SLC4A4: variants seen among roughly 807,000 people sequenced by gnomAD.
The protein encoded by SLC4A4 is electrogenic sodium bicarbonate cotransporter 1.
In SLC4A4, 27 loss-of-function variants were observed where a neutral mutation model predicts 111.5. The observed-to-expected ratio is 0.24, with a 90% CI of 0.18 to 0.33. SLC4A4 has a LOEUF of 0.33. Among genes scored for constraint, SLC4A4 ranks in the 10% least tolerant of loss-of-function variants. The pLI is 1.00. For missense variants in SLC4A4, 909 were observed against 1,315.5 expected (o/e 0.69, Z 4.78); for synonymous variants, 443 against 463.4 (o/e 0.96, Z 0.57).
At chr4:71,186,791 C>T (rs969168302), upstream of SLC4A4, 2 of 152,114 alleles carry the variant, frequency 1.3e-5, no homozygotes, top group East Asian at 1.9e-4. Context: ...CGGCCGCCTT[C>T]CGTGAGCCCC....
At chr4:71,486,365 A>G (rs1390675848) in intron 14 of SLC4A4, among the ~76,000 whole-genome samples, 1 of 151,518 alleles carries the variant, frequency 6.6e-6, no homozygotes, top group Non-Finnish European at 1.5e-5. Context: ...GCCATCTTCA[A>G]CCTATAAATG....
intron 2 of SLC4A4, among the ~76,000 whole-genome samples, chr4:71,135,318 C>T (rs1318296866): frequency 2.5e-5 from 3 of 118,620 alleles, no homozygotes; most frequent in African/African-American, 9.7e-5. Flanking sequence ...TTTTTTGAGA[C>T]AGAGTCTCAC....
intron 2 of SLC4A4, among the ~76,000 whole-genome samples, chr4:71,180,505 G>GA (rs980616149): frequency 1.1e-4 from 16 of 151,922 alleles, no homozygotes; most frequent in South Asian, 2.1e-4. Flanking sequence ...AAATTTACAA[G>GA]AAAAAAACAA....
intron 14 of SLC4A4, among the ~76,000 whole-genome samples, chr4:71,484,426 AG>A: frequency 6.6e-6 from 1 of 151,840 alleles, no homozygotes; most frequent in Non-Finnish European, 1.5e-5. Context: ...CTTATTGAAT[AG>A]GGAATCCTAT....
chr4:71,529,086 C>G (rs1313201390), intron 16 of SLC4A4, among the ~76,000 whole-genome samples: 1 of 151,978 alleles, frequency 6.6e-6, no homozygotes, highest in Admixed American at 6.6e-5. Context: ...TTGCTCAGTA[C>G]TAAAACTATA....
intron 3 of SLC4A4, among the ~76,000 whole-genome samples, chr4:71,259,931 C>A (rs930736789): frequency 2.6e-5 from 4 of 152,190 alleles, no homozygotes; most frequent in Non-Finnish European, 4.4e-5. Context: ...TCTTGACAAG[C>A]ATGAACATGC....
chr4:71,222,516 A>G (rs1439658802), intron 1 of SLC4A4, among the ~76,000 whole-genome samples: 2 of 152,180 alleles, frequency 1.3e-5, no homozygotes, highest in South Asian at 2.1e-4. Context: ...ATTTCCCACC[A>G]TGGATTCATC....
At chr4:71,185,431 T>C (rs900208684), upstream of SLC4A4, among the ~76,000 whole-genome samples, 1 of 152,258 alleles carries the variant, frequency 6.6e-6, no homozygotes, top group Non-Finnish European at 1.5e-5. Flanking sequence ...GTGAAAACTT[T>C]AAAGCTAAAT....
At chr4:71,521,089 CAAGTT>C (rs1360156150) in intron 16 of SLC4A4, among the ~76,000 whole-genome samples, 2 of 152,042 alleles carry the variant, frequency 1.3e-5, no homozygotes, top group African/African-American at 4.8e-5. Context: ...AGGATATGCT[CAAGTT>C]AAGATAATGT....
chr4:71,491,874 T>A (rs1382664312), intron 15 of SLC4A4, among the ~76,000 whole-genome samples: 1 of 151,828 alleles, frequency 6.6e-6, no homozygotes, highest in Non-Finnish European at 1.5e-5. Context: ...TACATTCATT[T>A]TGCTTAAAGT....
At chr4:71,075,636 A>C (rs1245433227) in intron 1 of SLC4A4, among the ~76,000 whole-genome samples, 1 of 152,034 alleles carries the variant, frequency 6.6e-6, no homozygotes, top group Non-Finnish European at 1.5e-5. Flanking sequence ...CTCTTCCTTC[A>C]GGTCTCCGCT....
At chr4:71,530,908 C>T (rs544786780) in intron 16 of SLC4A4, among the ~76,000 whole-genome samples, 1 of 152,254 alleles carries the variant, frequency 6.6e-6, no homozygotes, top group South Asian at 2.1e-4. Flanking sequence ...GCTGACTGCT[C>T]ACCCTGAGAT....
intron 2 of SLC4A4, among the ~76,000 whole-genome samples, chr4:71,102,332 G>A (rs1742773065): frequency 6.7e-6 from 1 of 150,130 alleles, no homozygotes; most frequent in African/African-American, 2.5e-5. Context: ...ATGGAACCAA[G>A]TTGGAAAACA....
chr4:71,561,078 T>C (rs2149253751), intron 23 of SLC4A4, among the ~76,000 whole-genome samples: 1 of 151,866 alleles, frequency 6.6e-6, no homozygotes, highest in East Asian at 2.0e-4. Flanking sequence ...ATTTGAAAAT[T>C]TGCTCTGGAT....
chr4:71,202,085 C>T (rs1377486191), intron 1 of SLC4A4, among the ~76,000 whole-genome samples: 1 of 152,172 alleles, frequency 6.6e-6, no homozygotes, highest in Non-Finnish European at 1.5e-5. Context: ...TGTTGGTCTT[C>T]AACTATCCCA....
intron 3 of SLC4A4, among the ~76,000 whole-genome samples, chr4:71,327,572 CA>C (rs1439177224): frequency 6.6e-6 from 1 of 151,890 alleles, no homozygotes; most frequent in East Asian, 1.9e-4. Context: ...ATAACAAATG[CA>C]AAACATTTAA....
intron 24 of SLC4A4, 150 bp from the exon 25 acceptor site, chr4:71,566,854 T>G (rs183994208): frequency 1.7e-6 from 1 of 588,340 alleles, no homozygotes; most frequent in Admixed American, 2.9e-5. Context: ...CACACTAGAG[T>G]CTTAGCTTAA....
intron 1 of SLC4A4, among the ~76,000 whole-genome samples, chr4:71,188,643 A>G (rs1185467490): frequency 6.7e-6 from 1 of 149,016 alleles, no homozygotes; most frequent in African/African-American, 2.5e-5. Flanking sequence ...TACATTGCTC[A>G]TTTGGGCTTT....
chr4:71,552,606 T>C (rs1469312016), intron 20 of SLC4A4, among the ~76,000 whole-genome samples: 1 of 151,914 alleles, frequency 6.6e-6, no homozygotes, highest in Non-Finnish European at 1.5e-5. Flanking sequence ...TCTGAGTATG[T>C]TAACTCCTAT....
Sources: gnomAD v4.1 joint callset for allele counts (sites outside exome capture counted in the v4.1 genomes callset) on GRCh38, gnomAD v4.1.1 for gene constraint, MANE v1.5 for transcripts, NCBI Gene and HGNC (gene_info 2026-07-23, HGNC 2026-07-21) for gene names.